Variants in PPARGC1A observed in about 807,000 individuals in gnomAD.
PPARGC1A encodes the protein peroxisome proliferator-activated receptor gamma coactivator 1-alpha.
A neutral mutation model predicts 88.7 loss-of-function variants in PPARGC1A; 25 were observed. That is an observed-to-expected ratio of 0.28 (90% CI 0.21 to 0.39). PPARGC1A has a LOEUF of 0.39. Ranked by LOEUF, PPARGC1A falls within the 10% of genes least tolerant of loss-of-function variation. The pLI, the probability that PPARGC1A is intolerant of heterozygous loss-of-function variation, is 1.00. For synonymous variants in PPARGC1A, 363 were observed against 355.6 expected, an observed-to-expected ratio of 1.02 and a Z score of -0.24; for missense variants, 880 against 968.7, an observed-to-expected ratio of 0.91 and a Z score of 1.22.
In PPARGC1A at chr4:23,802,293, G is replaced by C. The variant is rs1366241425; in HGVS notation, c.2072C>G (p.Thr691Arg). 1 of 1,613,822 alleles carries C rather than the reference G, an allele frequency of 6.2e-7. No homozygotes were observed. Among genetic ancestry groups the C allele is most frequent in the African/African-American group, 1.3e-5 (1 of 74,870 alleles). Residue 691 changes from threonine to arginine, a missense_variant, in exon 11 of 13, where the codon ACA (threonine) becomes AGA (arginine). Thr to Arg is a moderately conservative substitution (Grantham distance 71, BLOSUM62 -1). Transcript: ENST00000264867. Reference protein sequence around the residue: ...VGKIRPDTTRTELRDRFEVFG... With the variant: ...VGKIRPDTTRRELRDRFEVFG... ...AACTTCAAAACGGTCCCTCAGTTCT[G>C]TCCGTGTTGTGTCAGGTCTGATTTT...
the PPARGC1A span, among the ~76,000 whole-genome samples, chr4:24,047,197 C>G: frequency 1.3e-5 from 2 of 152,184 alleles, no homozygotes; most frequent in Non-Finnish European, 2.9e-5. Context: ...GAGTGATGCT[C>G]TCTCTACTCG....
At chr4:24,277,574 A>G in the PPARGC1A span, among the ~76,000 whole-genome samples, 1 of 152,082 alleles carries the variant, frequency 6.6e-6, no homozygotes, top group Non-Finnish European at 1.5e-5. Flanking sequence ...CACTCTATTG[A>G]TTATTACCTA....
chr4:23,861,121 C>T (rs1731162275), intron 2 of PPARGC1A, among the ~76,000 whole-genome samples: 1 of 152,210 alleles, frequency 6.6e-6, no homozygotes, highest in South Asian at 2.1e-4. Context: ...TCTCAATGTG[C>T]TGCAGTGGGA....
chr4:24,449,463 T>C, the PPARGC1A span, among the ~76,000 whole-genome samples: 6 of 152,244 alleles, frequency 3.9e-5, no homozygotes, highest in Non-Finnish European at 8.8e-5. Flanking sequence ...AGAAATTATC[T>C]TGTAACTGCA....
the PPARGC1A span, among the ~76,000 whole-genome samples, chr4:24,182,032 T>C: frequency 9.8e-4 from 150 of 152,318 alleles, no homozygotes; most frequent in African/African-American, 3.5e-3. Flanking sequence ...GTGCAGAACG[T>C]GCAGGTTTTT....
the PPARGC1A span, among the ~76,000 whole-genome samples, chr4:24,115,597 G>A: frequency 1.3e-5 from 2 of 152,200 alleles, no homozygotes; most frequent in African/African-American, 4.8e-5. Context: ...CATTAAAATC[G>A]AATGCAAGAT....
chr4:24,417,620 T>C, the PPARGC1A span, among the ~76,000 whole-genome samples: 2 of 152,190 alleles, frequency 1.3e-5, no homozygotes, highest in African/African-American at 2.4e-5. Flanking sequence ...ACAACCCAAA[T>C]GTCCAGCAAC....
intron 5 of PPARGC1A, among the ~76,000 whole-genome samples, chr4:23,826,097 C>T (rs574813321): frequency 1.1e-4 from 17 of 152,100 alleles, no homozygotes; most frequent in African/African-American, 3.9e-4. Context: ...GGAAGACTCT[C>T]GAATTCTGAT....
chr4:24,233,342 G>C, the PPARGC1A span, among the ~76,000 whole-genome samples: 1 of 152,160 alleles, frequency 6.6e-6, no homozygotes, highest in East Asian at 1.9e-4. Context: ...TTGTACTAAA[G>C]AGTTCTCTCT....
the PPARGC1A span, among the ~76,000 whole-genome samples, chr4:24,349,479 C>A: frequency 6.6e-6 from 1 of 152,122 alleles, no homozygotes; most frequent in South Asian, 2.1e-4. Context: ...TTTGCTGCAG[C>A]TGCTGTGGGG....
At chr4:23,941,846 C>A in the PPARGC1A span, among the ~76,000 whole-genome samples, 3 of 152,202 alleles carry the variant, frequency 2.0e-5, no homozygotes, top group African/African-American at 7.2e-5. Context: ...ACCACTACAA[C>A]CACATCCTAA....
chr4:24,471,761 T>A, the PPARGC1A span, among the ~76,000 whole-genome samples: 2 of 152,234 alleles, frequency 1.3e-5, no homozygotes, highest in African/African-American at 4.8e-5. The surrounding 1 kb of genome is among the most constrained non-coding windows in gnomAD (Gnocchi z 5.4). Flanking sequence ...TAAGTGTGTT[T>A]GTGGGGTGCT....
the PPARGC1A span, among the ~76,000 whole-genome samples, chr4:24,048,245 AGAT>A: frequency 2.8e-4 from 42 of 152,256 alleles, no homozygotes; most frequent in African/African-American, 9.9e-4. Flanking sequence ...CTTAAAAGCA[AGAT>A]GGTGCTCTAA....
At chr4:24,399,791 C>CT in the PPARGC1A span, among the ~76,000 whole-genome samples, 3,356 of 141,592 alleles carry the variant, frequency 0.024, 106 homozygotes, top group East Asian at 0.15. Context: ...AAGGAATCTC[C>CT]TTTTTTTTTT....
At chr4:24,019,865 A>G in the PPARGC1A span, among the ~76,000 whole-genome samples, 4 of 152,180 alleles carry the variant, frequency 2.6e-5, no homozygotes, top group African/African-American at 9.7e-5. Flanking sequence ...CAAAAGAACT[A>G]CAGGCTAATT....
chr4:24,305,926 G>A, the PPARGC1A span, among the ~76,000 whole-genome samples: 1 of 152,174 alleles, frequency 6.6e-6, no homozygotes, highest in Non-Finnish European at 1.5e-5. Context: ...TATCTAGCTG[G>A]CTGGGTTTGT....
chr4:23,907,947 A>T (rs1356699274), upstream of PPARGC1A, among the ~76,000 whole-genome samples: 1 of 152,226 alleles, frequency 6.6e-6, no homozygotes, highest in Non-Finnish European at 1.5e-5. Context: ...GAGAAGGAAG[A>T]AAGAAGAAAA....
chr4:24,002,097 C>CACACACACAG, the PPARGC1A span, among the ~76,000 whole-genome samples: 412 of 125,346 alleles, frequency 3.3e-3, 2 homozygotes, highest in African/African-American at 0.013. Context: ...CACACACACA[C>CACACACACAG]AGAGAGAGAG....
intron 2 of PPARGC1A, among the ~76,000 whole-genome samples, chr4:23,834,182 C>A (rs1725577459): frequency 3.3e-5 from 5 of 152,122 alleles, no homozygotes; most frequent in Admixed American, 3.3e-4. Flanking sequence ...CGCCTGTAGT[C>A]CCAGCTACAC....
Sources: allele counts gnomAD v4.1 joint callset (sites outside exome capture counted in the v4.1 genomes callset), GRCh38; gene constraint gnomAD v4.1.1; non-coding constraint Gnocchi (gnomAD v3.1); transcripts MANE v1.5; gene names NCBI Gene and HGNC (gene_info 2026-07-23, HGNC 2026-07-21).